NCOA3: variants seen among roughly 807,000 people sequenced by gnomAD.
NCOA3 encodes the protein nuclear receptor coactivator 3, also known as CBP-interacting protein.
Under a neutral mutation model 158.8 loss-of-function variants are expected in NCOA3, and 51 were observed. The observed-to-expected ratio is 0.32, with a 90% CI of 0.26 to 0.41. The LOEUF is 0.41. Among genes scored for constraint, NCOA3 ranks in the 10% least tolerant of loss-of-function variants. The pLI is 1.00. For missense variants in NCOA3, 1,510 were observed against 1,746.6 expected (o/e 0.86, Z 2.41); for synonymous variants, 537 against 592.4 (o/e 0.91, Z 1.36).
chr20:47,653,471 A>G lies in NCOA3; in HGVS notation c.*54A>G. 1 of 1,582,032 alleles carries G rather than the reference A, an allele frequency of 6.3e-7. No homozygotes were observed. Among genetic ancestry groups the G allele is most frequent in the Non-Finnish European group, 8.6e-7 (1 of 1,158,782 alleles). ...ACCACTGTACAAATGACACTGCACT[A>G]GGATTATTGGGAAGGAATCATTGTT... On this transcript the variant is annotated 3_prime_UTR_variant, in exon 23 of 23. Transcript: ENST00000371998.
intron 1 of NCOA3, among the ~76,000 whole-genome samples, chr20:47,526,568 G>A (rs1020667589): frequency 6.6e-6 from 1 of 152,216 alleles, no homozygotes; most frequent in African/African-American, 2.4e-5. Flanking sequence ...AGACTAGCCC[G>A]GCCAACACAG....
At chr20:47,533,131 A>C (rs945154804) in intron 1 of NCOA3, among the ~76,000 whole-genome samples, 4 of 148,866 alleles carry the variant, frequency 2.7e-5, no homozygotes, top group African/African-American at 2.5e-5. Context: ...AAAAAAAAAA[A>C]AATTAACCGG....
Position 47,651,203 on chromosome 20 carries a change from C to CATGG in NCOA3, c.3878_3881dup (p.Leu1295TrpfsTer37). 6.2e-7 allele frequency: 1 copy of CATGG among 1,614,078 alleles called. No individual in the cohort carries two copies. Among genetic ancestry groups the CATGG allele is most frequent in the South Asian group, 1.1e-5 (1 of 91,070 alleles). On this transcript the variant is annotated frameshift_variant, in exon 20 of 23. Coordinates refer to ENST00000371998, the MANE Select transcript of NCOA3 (RefSeq NM_181659.3). LOFTEE classifies it high-confidence loss of function. Reference sequence around the variant, plus strand: ...CTCCTAATGTGACTGCTTCCCCCAGCATGGATGGGCTTTTGGCAGGACCCA... The same window carrying CATGG: ...CTCCTAATGTGACTGCTTCCCCCAGCATGGATGGATGGGCTTTTGGCAGGACCCA...
intron 2 of NCOA3, among the ~76,000 whole-genome samples, chr20:47,612,957 C>T (rs531595208): frequency 6.6e-6 from 1 of 152,260 alleles, no homozygotes; most frequent in Admixed American, 6.5e-5. Context: ...TTGGTATGCC[C>T]AGTTCTAGCA....
At chr20:47,640,869 C>A (rs1250056619) in intron 16 of NCOA3, among the ~76,000 whole-genome samples, 1 of 150,666 alleles carries the variant, frequency 6.6e-6, no homozygotes, top group African/African-American at 2.4e-5. Context: ...GCCTGGGCAA[C>A]AGAGTGAGAC....
chr20:47,518,640 G>T (rs917216791), intron 1 of NCOA3, among the ~76,000 whole-genome samples: 1 of 151,662 alleles, frequency 6.6e-6, no homozygotes, highest in African/African-American at 2.4e-5. Flanking sequence ...GGTCAGGCTC[G>T]TCTCGAACTC....
intron 19 of NCOA3, 37 bp from the exon 20 acceptor site, chr20:47,650,945 C>T: frequency 1.3e-6 from 2 of 1,590,022 alleles, no homozygotes; most frequent in Non-Finnish European, 1.7e-6. Context: ...CAGGTTCTTG[C>T]TATATATATG....
At chr20:47,614,449 A>G (rs981714815) in intron 2 of NCOA3, among the ~76,000 whole-genome samples, 1 of 152,208 alleles carries the variant, frequency 6.6e-6, no homozygotes, top group Non-Finnish European at 1.5e-5. Context: ...TTAATAAACC[A>G]GTTCAGATCC....
intron 1 of NCOA3, among the ~76,000 whole-genome samples, chr20:47,570,984 A>ATATGTGTGTGTGTGTG (rs1555805798): frequency 1.7e-5 from 2 of 120,762 alleles, no homozygotes; most frequent in African/African-American, 3.3e-5. Context: ...ATATACATAT[A>ATATGTGTGTGTGTGTG]TGTGTGTGTG....
rs1414265740 is a variant in NCOA3 at position 47,636,714 on chromosome 20, C to T, written c.2328C>T (p.Ser776=). 2 of 1,613,854 alleles carry T rather than the reference C, an allele frequency of 1.2e-6. No homozygotes were observed. Among genetic ancestry groups the T allele is most frequent in the South Asian group, 2.2e-5 (2 of 91,066 alleles). Residue 776 remains serine, a synonymous_variant, in exon 12 of 23, where the codon AGC becomes AGT. Transcript: ENST00000371998. ...AGTGCACCAGCTCCACCATTCCTAG[C>T]TCAAGTCAAGAGAAAGACCCTAAAA... The part of the protein sequence containing the change: ...MSQCTSSTIP[S]SSQEKDPKIK...
chr20:47,573,282 A>G (rs1280368323), intron 1 of NCOA3, among the ~76,000 whole-genome samples: 1 of 152,018 alleles, frequency 6.6e-6, no homozygotes, highest in African/African-American at 2.4e-5. Context: ...AACCCCAGCT[A>G]CTCAGTAGGC....
chr20:47,600,462 C>T (rs1403154491), intron 2 of NCOA3, among the ~76,000 whole-genome samples: 1 of 151,866 alleles, frequency 6.6e-6, no homozygotes, highest in Admixed American at 6.6e-5. Flanking sequence ...AGGCGTGAGC[C>T]ACCGCGCATG....
chr20:47,508,832 T>G (rs1448997624), intron 1 of NCOA3, among the ~76,000 whole-genome samples: 2 of 152,198 alleles, frequency 1.3e-5, no homozygotes, highest in Admixed American at 6.5e-5. Flanking sequence ...AAAGAAGACT[T>G]ACCTAGGGCA....
intron 1 of NCOA3, among the ~76,000 whole-genome samples, chr20:47,537,163 A>G (rs2084647448): frequency 6.6e-6 from 1 of 152,110 alleles, no homozygotes; most frequent in African/African-American, 2.4e-5. Context: ...TCTGGTTTAG[A>G]GGATATGCTA....
chr20:47,502,109 G>C, intron 1 of NCOA3, 90 bp downstream of exon 1: 1 of 398,748 alleles, frequency 2.5e-6, no homozygotes. Context: ...GGCTGCGAGA[G>C]CCAGCGGCTT....
At chr20:47,621,265 A>AT (rs11480221) in intron 2 of NCOA3, among the ~76,000 whole-genome samples, 20,166 of 147,920 alleles carry the variant, frequency 0.14, 1,907 homozygotes, top group African/African-American at 0.26. Flanking sequence ...TTTGCTTTTG[A>AT]TTTTTTTTTT....
Position 47,628,041 on chromosome 20 carries a change from GTCTC to G in NCOA3, c.823+30_823+33del, listed in dbSNP as rs111613599. On this transcript the variant is annotated intron_variant, in intron 8 of 22. Transcript: ENST00000371998. The stretch of plus-strand genomic sequence containing the variant: ...TCTTTCAGGTAAAAACTCTTTTTTT[GTCTC>G]TCTCTCTCTCTGTGTATACGTACAT... 195 of 1,534,604 alleles carry G rather than the reference GTCTC, an allele frequency of 1.3e-4. No individual in the cohort carries two copies. In the African/African-American group the frequency reaches 2.1e-3, roughly 17 times the overall value.
rs1335574720 is a variant in NCOA3, at chr20:47,501,943, G to A, written c.-175G>A. ...CGGCAGCGGCTGCGGCTTAGTCGGTGGCGGCCGGCGGCGGCTGCGGGCTGA... is the reference window on the plus strand; with the variant it reads ...CGGCAGCGGCTGCGGCTTAGTCGGTAGCGGCCGGCGGCGGCTGCGGGCTGA... On this transcript the variant is annotated 5_prime_UTR_variant, in exon 1 of 23. Transcript: ENST00000371998. 5 of 400,866 alleles carry A rather than the reference G, an allele frequency of 1.2e-5. No individual in the cohort carries two copies. The highest frequency in any genetic ancestry group is 2.2e-5 in the Non-Finnish European group (5 of 227,714). The allele number at this position is 400,866 out of a possible 1,614,324, so 24.8% of individuals were successfully genotyped here.
chr20:47,625,451 T>TA lies in NCOA3; in HGVS notation c.330dup (p.Asp111ArgfsTer38). On this transcript the variant is annotated frameshift_variant, in exon 5 of 23. Transcript: ENST00000371998. LOFTEE classifies it high-confidence loss of function. ...CTTCTACAGGGCAGGGAGTTATTGA[T>TA]AAAGACTCCTTAGGACCGCTTTTAC... 3 of 1,612,864 alleles carry TA rather than the reference T, an allele frequency of 1.9e-6. No homozygotes were observed. Among genetic ancestry groups the TA allele is most frequent in the Non-Finnish European group, 1.7e-6 (2 of 1,178,968 alleles).
Sources: allele counts gnomAD v4.1 joint callset (sites outside exome capture counted in the v4.1 genomes callset), GRCh38; gene constraint gnomAD v4.1.1; transcripts MANE v1.5; gene names NCBI Gene and HGNC (gene_info 2026-07-23, HGNC 2026-07-21).